Variants in CNTNAP2 observed in about 807,000 individuals in gnomAD.
The protein encoded by CNTNAP2 is contactin associated protein 2.
In CNTNAP2, 98 loss-of-function variants were observed where a neutral mutation model predicts 155.2. That is an observed-to-expected ratio of 0.63 (90% CI 0.54 to 0.75). The LOEUF is 0.75. CNTNAP2 is among the 30% of genes least tolerant of loss of function. CNTNAP2 has a pLI of 0.00. For synonymous variants in CNTNAP2, 651 were observed against 631.2 expected, an observed-to-expected ratio of 1.03 and a Z score of -0.47; for missense variants, 1,727 against 1,688.1, an observed-to-expected ratio of 1.02 and a Z score of -0.40.
At chr7:148,293,959 C>T (rs998358144) in intron 21 of CNTNAP2, among the ~76,000 whole-genome samples, 1 of 143,582 alleles carries the variant, frequency 7.0e-6, no homozygotes, top group Non-Finnish European at 1.5e-5. Flanking sequence ...CGCTTGAACC[C>T]GGGAGGCAGA....
At chr7:147,489,668 T>A (rs147947437) in intron 11 of CNTNAP2, among the ~76,000 whole-genome samples, 2 of 152,302 alleles carry the variant, frequency 1.3e-5, no homozygotes, top group Non-Finnish European at 2.9e-5. Flanking sequence ...CAGGCTTGAG[T>A]GCAGTGGCAT....
chr7:147,039,328 A>G (rs1255458786), intron 3 of CNTNAP2, among the ~76,000 whole-genome samples: 2 of 152,042 alleles, frequency 1.3e-5, no homozygotes, highest in Non-Finnish European at 2.9e-5. Flanking sequence ...TAAGCCCAGT[A>G]CCCAATAGTT....
At chr7:148,037,996 T>C (rs1563176549) in intron 15 of CNTNAP2, among the ~76,000 whole-genome samples, 1 of 152,208 alleles carries the variant, frequency 6.6e-6, no homozygotes, top group East Asian at 1.9e-4. Flanking sequence ...TCTTGGAACA[T>C]ATTTCCCATG....
chr7:148,197,428 C>A (rs904707303), intron 18 of CNTNAP2, among the ~76,000 whole-genome samples: 1 of 152,116 alleles, frequency 6.6e-6, no homozygotes, highest in African/African-American at 2.4e-5. Context: ...AGCAGTACCC[C>A]AAAATAAAGG....
At chr7:147,853,220 T>C (rs749955922) in intron 13 of CNTNAP2, among the ~76,000 whole-genome samples, 17 of 152,206 alleles carry the variant, frequency 1.1e-4, no homozygotes, top group Non-Finnish European at 1.9e-4. Context: ...TGAAGATTAA[T>C]TGGGGAGGAG....
intron 1 of CNTNAP2, among the ~76,000 whole-genome samples, chr7:146,130,934 TC>T (rs1397266064): frequency 6.6e-6 from 1 of 152,146 alleles, no homozygotes; most frequent in Non-Finnish European, 1.5e-5. Context: ...AGGGGAACCA[TC>T]CCTATGATCC....
At chr7:147,034,371 T>C (rs189974843) in intron 3 of CNTNAP2, among the ~76,000 whole-genome samples, 9 of 152,306 alleles carry the variant, frequency 5.9e-5, no homozygotes, top group African/African-American at 1.9e-4. Context: ...ACTTCTTCAG[T>C]GCTCCCCTGC....
At chr7:147,403,588 T>A (rs1056166824) in intron 10 of CNTNAP2, among the ~76,000 whole-genome samples, 4 of 152,214 alleles carry the variant, frequency 2.6e-5, no homozygotes, top group African/African-American at 9.6e-5. Context: ...TACACTGTTT[T>A]AATGGTTGTT....
rs1371391273 is a variant in CNTNAP2 at position 147,832,709 on chromosome 7, ATTG to A, written c.2099-70853_2099-70851del. Among the ~76,000 whole-genome samples, 6 of 146,938 alleles carry A rather than the reference ATTG, an allele frequency of 4.1e-5. No individual in the cohort carries two copies. In the East Asian group the frequency reaches 7.8e-4, roughly 19 times the overall value. Reference sequence around the variant, plus strand: ...ATTATATTTCAATATATTTCAAGATATTGTTTTTATATTTTTAAATAAATATTT... The same window carrying A: ...ATTATATTTCAATATATTTCAAGATATTTTTATATTTTTAAATAAATATTT... On this transcript the variant is annotated intron_variant, in intron 13 of 23. Transcript: ENST00000361727.
intron 1 of CNTNAP2, among the ~76,000 whole-genome samples, chr7:146,725,311 C>G (rs1358564876): frequency 6.6e-6 from 1 of 152,164 alleles, no homozygotes; most frequent in Non-Finnish European, 1.5e-5. Context: ...GTAAAACAAC[C>G]TTTGCAGACA....
chr7:146,597,376 T>C (rs910280459), intron 1 of CNTNAP2, among the ~76,000 whole-genome samples: 5 of 151,960 alleles, frequency 3.3e-5, no homozygotes, highest in Non-Finnish European at 7.4e-5. Context: ...AGAAATAAAA[T>C]AAATACCTGA....
intron 15 of CNTNAP2, among the ~76,000 whole-genome samples, chr7:148,106,493 G>GATATATATATATATATATATAT (rs10532740): frequency 8.7e-4 from 109 of 124,876 alleles, no homozygotes; most frequent in African/African-American, 3.5e-3. Flanking sequence ...CACACTTTGA[G>GATATATATATATATATATATAT]ATATATATAT....
chr7:146,754,593 T>C (rs1801962795), intron 1 of CNTNAP2, among the ~76,000 whole-genome samples: 1 of 151,296 alleles, frequency 6.6e-6, no homozygotes. Flanking sequence ...TAACTGAACC[T>C]GGCTGCAATA....
chr7:148,077,505 A>T (rs990701454), intron 15 of CNTNAP2, among the ~76,000 whole-genome samples: 11 of 152,170 alleles, frequency 7.2e-5, no homozygotes, highest in African/African-American at 2.7e-4. Context: ...CATGGCACAG[A>T]CCATAAAGGT....
intron 1 of CNTNAP2, among the ~76,000 whole-genome samples, chr7:146,757,073 G>C (rs1414041535): frequency 6.6e-6 from 1 of 152,064 alleles, no homozygotes; most frequent in Admixed American, 6.6e-5. Context: ...TTTCGAGTCA[G>C]TGATTTAGAC....
chr7:146,859,611 C>G (rs183328243), intron 3 of CNTNAP2, among the ~76,000 whole-genome samples: 10 of 151,912 alleles, frequency 6.6e-5, no homozygotes, highest in African/African-American at 2.4e-4. Flanking sequence ...GGGCCAAGAT[C>G]GCACACCGTT....
chr7:148,325,508 G>A (rs1797870143), intron 21 of CNTNAP2, among the ~76,000 whole-genome samples: 1 of 152,226 alleles, frequency 6.6e-6, no homozygotes, highest in Non-Finnish European at 1.5e-5. Flanking sequence ...TCTTGTCCAT[G>A]CAAGCTACTC....
intron 1 of CNTNAP2, among the ~76,000 whole-genome samples, chr7:146,706,195 T>C (rs1432061860): frequency 6.6e-6 from 1 of 151,944 alleles, no homozygotes; most frequent in Non-Finnish European, 1.5e-5. Flanking sequence ...GGTAGGGAAA[T>C]GGAGATGAAG....
intron 1 of CNTNAP2, among the ~76,000 whole-genome samples, chr7:146,132,598 A>G (rs1372842902): frequency 8.0e-6 from 1 of 125,468 alleles, no homozygotes; most frequent in Non-Finnish European, 1.6e-5. Context: ...CCAGAGTGTG[A>G]TATTCCCCTT....
Sources: allele counts gnomAD v4.1 joint callset (sites outside exome capture counted in the v4.1 genomes callset), GRCh38; gene constraint gnomAD v4.1.1; transcripts MANE v1.5; gene names NCBI Gene and HGNC (gene_info 2026-07-23, HGNC 2026-07-21).